CASD1: variants seen among roughly 807,000 people sequenced by gnomAD.
CASD1 encodes N-acetylneuraminate (7)9-O-acetyltransferase.
Under a neutral mutation model 100.0 loss-of-function variants are expected in CASD1, and 41 were observed. The observed-to-expected ratio is 0.41, with a 90% CI of 0.32 to 0.53. The LOEUF (loss-of-function observed/expected upper bound fraction) is 0.53. Among genes scored for constraint, CASD1 ranks in the 20% least tolerant of loss-of-function variants. The pLI is 0.25. For missense variants in CASD1, 774 were observed against 948.7 expected, an observed-to-expected ratio of 0.82 and a Z score of 2.42; for synonymous variants, 321 against 315.6, an observed-to-expected ratio of 1.02 and a Z score of -0.18.
At chr7:94,547,215 A>G in intron 13 of CASD1, 40 bp downstream of exon 13, 1 of 1,424,052 alleles carries the variant, frequency 7.0e-7, no homozygotes, top group Non-Finnish European at 9.5e-7. Context: ...TTCATATTTT[A>G]TTTTAAAGTT....
chr7:94,608,161 T>G, the CASD1 span, among the ~76,000 whole-genome samples: 1 of 151,996 alleles, frequency 6.6e-6, no homozygotes, highest in Admixed American at 6.6e-5. Flanking sequence ...CTGGCCAACA[T>G]GACAAAACCA....
chr7:94,563,830 G>A, the CASD1 span, among the ~76,000 whole-genome samples: 1 of 152,116 alleles, frequency 6.6e-6, no homozygotes, highest in Non-Finnish European at 1.5e-5. Context: ...ACAAGATGCA[G>A]CAATGTGTTT....
At chr7:94,558,297 T>A (rs1319093541), downstream of CASD1, among the ~76,000 whole-genome samples, 2 of 152,182 alleles carry the variant, frequency 1.3e-5, no homozygotes, top group Non-Finnish European at 2.9e-5. Flanking sequence ...ATATAGTCAT[T>A]GATATCATAA....
At chr7:94,588,328 T>G in the CASD1 span, 6 of 1,082,272 alleles carry the variant, frequency 5.5e-6, no homozygotes, top group Non-Finnish European at 6.7e-6. Context: ...AGCTTGAAAC[T>G]TCAAGCTGCT....
At position 94,544,396 on chromosome 7, in the gene CASD1, T is replaced by C. The variant is rs1795570957; in HGVS notation, c.1357-15T>C. 1.9e-6 allele frequency: 3 copies of C among 1,612,500 alleles called. No individual in the cohort carries two copies. The East Asian group carries it at 6.7e-5, about 36-fold the overall frequency. ...GATGCCAACATATGTTTTACCTGTTTATCTTTGTCAACAGTTTTTGCCTGT... is the reference window on the plus strand; with the variant it reads ...GATGCCAACATATGTTTTACCTGTTCATCTTTGTCAACAGTTTTTGCCTGT... On this transcript the variant is annotated splice_polypyrimidine_tract_variant and intron_variant, in intron 10 of 17. Transcript: ENST00000297273.
the CASD1 span, chr7:94,588,083 C>T: frequency 7.7e-7 from 1 of 1,306,012 alleles, no homozygotes; most frequent in Non-Finnish European, 9.7e-7. Context: ...GTTATCTACT[C>T]AGTATAGAGA....
chr7:94,545,442 G>A, intron 11 of CASD1, 103 bp from the exon 12 acceptor site: 1 of 749,284 alleles, frequency 1.3e-6, no homozygotes, highest in Non-Finnish European at 2.2e-6. Flanking sequence ...TTGAGTCTTA[G>A]CCATTTATAC....
At chr7:94,617,892 C>T in the CASD1 span, 2 of 152,188 alleles carry the variant, frequency 1.3e-5, no homozygotes, top group Non-Finnish European at 2.9e-5. Flanking sequence ...TTCTAGATAT[C>T]ACCTGTATAA....
chr7:94,522,613 G>A (rs1794338209), intron 3 of CASD1, among the ~76,000 whole-genome samples: 2 of 151,912 alleles, frequency 1.3e-5, no homozygotes, highest in Non-Finnish European at 2.9e-5. Context: ...TTACAATCAG[G>A]GAAATGTTTG....
At chr7:94,523,232 G>A (rs932571097) in intron 3 of CASD1, among the ~76,000 whole-genome samples, 2 of 152,024 alleles carry the variant, frequency 1.3e-5, no homozygotes, top group African/African-American at 4.8e-5. Context: ...TGTAAGAATT[G>A]GGAAGAAATA....
At position 94,552,709 on chromosome 7, in the gene CASD1, A is replaced by G. The variant is rs543667856; in HGVS notation, c.2034+282A>G. On this transcript the variant is annotated intron_variant, in intron 16 of 17. Coordinates refer to ENST00000297273, the MANE Select transcript of CASD1 (RefSeq NM_022900.5). ...CCCAGCACTTTGGGAGGCTAAGGCC[A>G]GTGGATCACCTGAGGTTAGGAGTTT... 1.1e-3 allele frequency among the ~76,000 whole-genome samples: 169 copies of G among 152,238 alleles called. 8 individuals are homozygous for G. In the South Asian group the frequency reaches 0.034, roughly 31 times the overall value.
the CASD1 span, among the ~76,000 whole-genome samples, chr7:94,601,112 C>T: frequency 6.6e-6 from 1 of 151,958 alleles, no homozygotes; most frequent in Non-Finnish European, 1.5e-5. Flanking sequence ...TACATGTGTA[C>T]ATATTTAACG....
At chr7:94,527,958 TA>T (rs1334262352) in intron 4 of CASD1, among the ~76,000 whole-genome samples, 2 of 152,192 alleles carry the variant, frequency 1.3e-5, no homozygotes, top group Non-Finnish European at 2.9e-5. Context: ...TTTAAGTTTT[TA>T]AAAGATTGCT....
intron 11 of CASD1, 90 bp downstream of exon 11, chr7:94,544,620 T>C: frequency 7.7e-7 from 1 of 1,297,336 alleles, no homozygotes; most frequent in Non-Finnish European, 1.0e-6. Context: ...AATATAGTCA[T>C]TATAAGACTG....
the CASD1 span, among the ~76,000 whole-genome samples, chr7:94,604,341 C>T: frequency 6.6e-6 from 1 of 151,888 alleles, no homozygotes; most frequent in South Asian, 2.1e-4. Flanking sequence ...AAAATTCTAG[C>T]TGCCTTCTTT....
At chr7:94,608,470 C>A in the CASD1 span, among the ~76,000 whole-genome samples, 1 of 152,176 alleles carries the variant, frequency 6.6e-6, no homozygotes, top group Non-Finnish European at 1.5e-5. Flanking sequence ...GATAGGAAGA[C>A]TAAATATTGT....
At chr7:94,587,613 A>T in the CASD1 span, 1 of 1,394,146 alleles carries the variant, frequency 7.2e-7, no homozygotes, top group Non-Finnish European at 9.3e-7. Flanking sequence ...TTGTTCCTTC[A>T]TCAATCTCCT....
At chr7:94,512,490 T>G (rs1793762772) in intron 1 of CASD1, among the ~76,000 whole-genome samples, 1 of 152,206 alleles carries the variant, frequency 6.6e-6, no homozygotes, top group Admixed American at 6.5e-5. Context: ...GATATACATA[T>G]TCAGTATCTC....
the CASD1 span, chr7:94,598,560 T>C: frequency 1.7e-6 from 1 of 572,860 alleles, no homozygotes; most frequent in Non-Finnish European, 3.1e-6. Flanking sequence ...ATATGTAGTC[T>C]TGTTTGGATC....
Sources: allele counts gnomAD v4.1 joint callset (sites outside exome capture counted in the v4.1 genomes callset), GRCh38; gene constraint gnomAD v4.1.1; transcripts MANE v1.5; gene names NCBI Gene and HGNC (gene_info 2026-07-23, HGNC 2026-07-21).